SEMA6D: variants seen among roughly 807,000 people sequenced by gnomAD.
SEMA6D encodes the protein semaphorin-6D.
Under a neutral mutation model 106.6 loss-of-function variants are expected in SEMA6D, and 35 were observed. That is an observed-to-expected ratio of 0.33 (90% CI 0.25 to 0.44). The LOEUF is 0.44. Ranked by LOEUF, SEMA6D falls within the 20% of genes least tolerant of loss-of-function variation. The probability of loss-of-function intolerance (pLI) is 1.00; values close to 1 mark genes in which losing one functional copy is unlikely to be tolerated. For missense variants in SEMA6D, 1,185 were observed against 1,345.9 expected (o/e 0.88, Z 1.87); for synonymous variants, 499 against 487.7 (o/e 1.02, Z -0.31).
chr15:47,317,579 G>A (rs936580776), intron 1 of SEMA6D, among the ~76,000 whole-genome samples: 13 of 152,002 alleles, frequency 8.6e-5, no homozygotes, highest in African/African-American at 2.9e-4. Context: ...TTTTGTTTAA[G>A]TTTTTATTTC....
intron 3 of SEMA6D, among the ~76,000 whole-genome samples, chr15:47,572,849 A>G (rs1336816918): frequency 1.3e-5 from 2 of 152,190 alleles, no homozygotes; most frequent in Admixed American, 6.5e-5. Context: ...AACTTTTGCC[A>G]GATACTATGT....
intron 4 of SEMA6D, among the ~76,000 whole-genome samples, chr15:47,601,915 C>T (rs188318659): frequency 1.2e-4 from 19 of 152,288 alleles, no homozygotes; most frequent in African/African-American, 4.6e-4. Flanking sequence ...AGTTAAACTT[C>T]ATTATGTATT....
intron 1 of SEMA6D, among the ~76,000 whole-genome samples, chr15:47,410,051 T>C (rs567237412): frequency 6.6e-6 from 1 of 152,164 alleles, no homozygotes; most frequent in Non-Finnish European, 1.5e-5. Context: ...CTTGGCTCAC[T>C]GCAGCCTCAA....
intron 3 of SEMA6D, among the ~76,000 whole-genome samples, chr15:47,535,176 C>T (rs1042479215): frequency 3.3e-4 from 50 of 151,908 alleles, no homozygotes; most frequent in African/African-American, 1.1e-3. Context: ...GCAACAGAGT[C>T]TGAGAAAGCT....
chr15:47,618,846 T>C (rs1443486505), intron 4 of SEMA6D, among the ~76,000 whole-genome samples: 3 of 152,188 alleles, frequency 2.0e-5, no homozygotes, highest in Non-Finnish European at 4.4e-5. Context: ...TAATAGTAAC[T>C]TCTTAGGGAG....
chr15:47,447,383 C>G (rs906257077), intron 2 of SEMA6D, among the ~76,000 whole-genome samples: 3 of 152,114 alleles, frequency 2.0e-5, no homozygotes, highest in Admixed American at 6.5e-5. Context: ...AAGGTTGAGT[C>G]TGTCACCAAT....
At chr15:47,680,049 A>G (rs1371901731) in intron 4 of SEMA6D, among the ~76,000 whole-genome samples, 2 of 152,176 alleles carry the variant, frequency 1.3e-5, no homozygotes, top group African/African-American at 4.8e-5. Context: ...GAGGACCCCA[A>G]GAAGCCCCAT....
chr15:47,206,861 G>C (rs1437898671), intron 1 of SEMA6D, among the ~76,000 whole-genome samples: 1 of 151,938 alleles, frequency 6.6e-6, no homozygotes, highest in Non-Finnish European at 1.5e-5. Flanking sequence ...GCTCCCACTG[G>C]GGTAGCTTCC....
chr15:47,400,874 A>G (rs777713281), intron 1 of SEMA6D, among the ~76,000 whole-genome samples: 3 of 152,250 alleles, frequency 2.0e-5, no homozygotes, highest in African/African-American at 7.2e-5. Context: ...TAATTCATAC[A>G]ATATCAGGCA....
chr15:47,352,898 C>G (rs1348437736), intron 1 of SEMA6D, among the ~76,000 whole-genome samples: 1 of 152,178 alleles, frequency 6.6e-6, no homozygotes, highest in African/African-American at 2.4e-5. Flanking sequence ...TACAACAAGG[C>G]TGATAGAATT....
At chr15:47,596,185 A>G (rs1380562302) in intron 3 of SEMA6D, among the ~76,000 whole-genome samples, 1 of 152,122 alleles carries the variant, frequency 6.6e-6, no homozygotes, top group Admixed American at 6.5e-5. Context: ...AATTTTATTC[A>G]CAATAGCTAC....
chr15:47,565,210 G>A (rs1255547528), intron 3 of SEMA6D, among the ~76,000 whole-genome samples: 3 of 152,214 alleles, frequency 2.0e-5, no homozygotes, highest in Non-Finnish European at 4.4e-5. Context: ...AGGAGTCACA[G>A]GCACCCCATT....
chr15:47,539,375 C>T (rs913321733), intron 3 of SEMA6D, among the ~76,000 whole-genome samples: 21 of 151,188 alleles, frequency 1.4e-4, no homozygotes, highest in Non-Finnish European at 2.2e-4. Context: ...GCCTCTGAGA[C>T]GAAGGTCATT....
chr15:47,594,557 T>C (rs1233283651), intron 3 of SEMA6D, among the ~76,000 whole-genome samples: 2 of 152,186 alleles, frequency 1.3e-5, no homozygotes, highest in African/African-American at 4.8e-5. Context: ...CATCACATAC[T>C]GACACTCACC....
At chr15:47,315,022 C>A (rs1462339103) in intron 1 of SEMA6D, among the ~76,000 whole-genome samples, 1 of 151,116 alleles carries the variant, frequency 6.6e-6, no homozygotes, top group Non-Finnish European at 1.5e-5. Context: ...CCCGCCATCA[C>A]GCCCGGCTAA....
At chr15:47,407,838 C>T (rs1398948682) in intron 1 of SEMA6D, among the ~76,000 whole-genome samples, 1 of 152,186 alleles carries the variant, frequency 6.6e-6, no homozygotes, top group Non-Finnish European at 1.5e-5. Flanking sequence ...AGCTCAGATG[C>T]TTGCAGATGC....
At chr15:47,364,672 G>A (rs751463923) in intron 1 of SEMA6D, among the ~76,000 whole-genome samples, 1 of 151,914 alleles carries the variant, frequency 6.6e-6, no homozygotes, top group Non-Finnish European at 1.5e-5. Flanking sequence ...ATCACTCCAC[G>A]GCCTCTTTCC....
At chr15:47,642,789 G>C (rs1311509021) in intron 4 of SEMA6D, among the ~76,000 whole-genome samples, 1 of 152,136 alleles carries the variant, frequency 6.6e-6, no homozygotes, top group East Asian at 1.9e-4. Context: ...GCAGGAGTTG[G>C]GATGATGTAT....
At position 47,739,443 on chromosome 15, in the gene SEMA6D, C is replaced by T. The variant is rs183354858; in HGVS notation, c.-54-20302C>T. On this transcript the variant is annotated intron_variant, in intron 1 of 18. Transcript: ENST00000536845. The stretch of plus-strand genomic sequence containing the variant: ...GAATCTGCAGTATTCCACCACCCCC[C>T]GCCCACACAAGCAGTCAGGTCTCAG... 2.6e-3 allele frequency among the ~76,000 whole-genome samples: 394 copies of T among 152,278 alleles called. 2 individuals are homozygous for T. Among genetic ancestry groups the T allele is most frequent in the Middle Eastern group, 0.014 (4 of 294 alleles).
Sources: gnomAD v4.1 joint callset for allele counts (sites outside exome capture counted in the v4.1 genomes callset) on GRCh38, gnomAD v4.1.1 for gene constraint, MANE v1.5 for transcripts, NCBI Gene and HGNC (gene_info 2026-07-23, HGNC 2026-07-21) for gene names.